ADGRG7: variants seen among roughly 807,000 people sequenced by gnomAD.
ADGRG7 encodes adhesion G protein-coupled receptor G7.
In ADGRG7, 82 loss-of-function variants were observed where a neutral mutation model predicts 88.6. That is an observed-to-expected ratio of 0.93 (90% CI 0.77 to 1.11). The LOEUF (loss-of-function observed/expected upper bound fraction) is 1.11. Among genes scored for constraint, ADGRG7 ranks in the 50% most tolerant of loss-of-function variants. The probability of loss-of-function intolerance (pLI) is 0.00; values close to 1 mark genes in which losing one functional copy is unlikely to be tolerated. For missense variants in ADGRG7, 945 were observed against 953.4 expected, an observed-to-expected ratio of 0.99 and a Z score of 0.12; for synonymous variants, 381 against 345.2, an observed-to-expected ratio of 1.10 and a Z score of -1.15.
intron 1 of ADGRG7, among the ~76,000 whole-genome samples, chr3:100,624,384 GA>G (rs1464172071): frequency 6.6e-6 from 1 of 152,058 alleles, no homozygotes; most frequent in Non-Finnish European, 1.5e-5. Flanking sequence ...TTTTTGATAG[GA>G]TTGTTTGTTT....
intron 4 of ADGRG7, chr3:100,635,457 G>A: frequency 2.0e-6 from 2 of 1,015,544 alleles, no homozygotes; most frequent in Non-Finnish European, 2.6e-6. Flanking sequence ...GCCCCTTATA[G>A]TTAATCAATC....
intron 15 of ADGRG7, among the ~76,000 whole-genome samples, chr3:100,675,812 A>G (rs763420188): frequency 5.3e-5 from 8 of 152,098 alleles, no homozygotes; most frequent in Non-Finnish European, 1.0e-4. Flanking sequence ...CAGGTTTTGT[A>G]TTTCTTCATG....
At position 100,655,886 on chromosome 3, in the gene ADGRG7, C is replaced by G. The variant is rs1293079206; in HGVS notation, c.1727-13C>G. The G allele has an allele frequency of 2.8e-6, 4 of 1,429,398 alleles. No individual in the cohort carries two copies. The Admixed American group carries it at 5.0e-5, about 18-fold the overall frequency. 88.5% of individuals were successfully genotyped at this position (1,429,398 alleles called of 1,614,324 possible). A position where few individuals can be genotyped will look rare whatever the true frequency, so the allele number is the denominator to read the frequency against. Reference sequence around the variant, plus strand: ...GATAAATCATTAATTATGTGCCTCTCTTTATCACATAGGAGTCCCAGCTAT... The same window carrying G: ...GATAAATCATTAATTATGTGCCTCTGTTTATCACATAGGAGTCCCAGCTAT... On this transcript the variant is annotated splice_polypyrimidine_tract_variant and intron_variant, in intron 12 of 15. Transcript: ENST00000273352.
At chr3:100,694,189 T>G (rs777701044) in intron 15 of ADGRG7, among the ~76,000 whole-genome samples, 1 of 152,210 alleles carries the variant, frequency 6.6e-6, no homozygotes, top group Non-Finnish European at 1.5e-5. Flanking sequence ...CTGATATGAC[T>G]TCTATAAATG....
intron 10 of ADGRG7, among the ~76,000 whole-genome samples, chr3:100,647,245 A>G (rs1707769632): frequency 6.6e-6 from 1 of 152,194 alleles, no homozygotes; most frequent in Admixed American, 6.5e-5. Context: ...TAGGATAGAG[A>G]GGTCAGAACT....
intron 9 of ADGRG7, 75 bp from the exon 10 acceptor site, chr3:100,646,494 C>T: frequency 5.1e-6 from 6 of 1,180,984 alleles, no homozygotes; most frequent in Middle Eastern, 3.9e-4. Context: ...AGATGACTGT[C>T]TTATACTACT....
rs1193362675 is a variant in ADGRG7 at position 100,659,773 on chromosome 3, A to G, written c.1909A>G (p.Ile637Val). ...CATCGTACCTGTAACCATTATCCTC[A>G]TCAGCAATGTTGTTATGTTTATTAC... is the stretch of plus-strand genomic sequence containing the variant. ...SFIVPVTIIL[I>V]SNVVMFITIS... The change falls in exon 14 of 16, where the codon ATC (isoleucine) becomes GTC (valine). Residue 637 changes from isoleucine to valine, a missense_variant. Transcript: ENST00000273352. 7.4e-6 allele frequency: 12 copies of G among 1,613,750 alleles called. No individual in the cohort carries two copies. The highest frequency in any genetic ancestry group is 8.5e-6 in the Non-Finnish European group (10 of 1,179,708).
At chr3:100,645,830 T>C (rs533976176) in intron 8 of ADGRG7, 115 bp from the exon 9 acceptor site, 34 of 900,966 alleles carry the variant, frequency 3.8e-5, no homozygotes, top group Middle Eastern at 7.2e-4. Context: ...AAACCATTTT[T>C]ACTGTACTTT....
In ADGRG7 at chr3:100,694,995, C is replaced by T. The variant is rs757360016; in HGVS notation, c.2388C>T (p.Ser796=). The part of the protein sequence containing the change: ...TLSESDNAKE[S]I ...CTGAAAGTGACAATGCAAAGGAAAG[C>T]ATCTAGACAGTAAAACTTACCTGTT... The change falls in exon 16 of 16, where the codon AGC becomes AGT. Residue 796 remains serine, a synonymous_variant. Coordinates refer to ENST00000273352, the MANE Select transcript of ADGRG7 (RefSeq NM_032787.3). The T allele has an allele frequency of 6.2e-7, 1 of 1,613,320 alleles. No homozygotes were observed. The highest frequency in any genetic ancestry group is 2.2e-5 in the East Asian group (1 of 44,864).
intron 1 of ADGRG7, among the ~76,000 whole-genome samples, chr3:100,626,287 T>G (rs910956656): frequency 1.3e-5 from 2 of 152,254 alleles, no homozygotes; most frequent in African/African-American, 4.8e-5. Flanking sequence ...TTTTCTAGTT[T>G]ATTTGCATAG....
intron 15 of ADGRG7, among the ~76,000 whole-genome samples, chr3:100,674,579 CTTT>C (rs34582443): frequency 1.4e-4 from 18 of 128,776 alleles, no homozygotes; most frequent in East Asian, 4.5e-4. Context: ...TTCTTAATTC[CTTT>C]TTTTTTTTTT....
At chr3:100,613,513 T>G (rs1388781373) in intron 1 of ADGRG7, among the ~76,000 whole-genome samples, 1 of 150,528 alleles carries the variant, frequency 6.6e-6, no homozygotes, top group Non-Finnish European at 1.5e-5. Context: ...TCCTTCTTGC[T>G]TCCTCACATA....
chr3:100,662,205 A>C (rs1294989972), intron 14 of ADGRG7, among the ~76,000 whole-genome samples: 1 of 152,164 alleles, frequency 6.6e-6, no homozygotes, highest in African/African-American at 2.4e-5. Flanking sequence ...AAACTCCCCT[A>C]ACTGGAAATT....
chr3:100,631,950 A>G (rs1328241722), intron 3 of ADGRG7, among the ~76,000 whole-genome samples: 1 of 152,124 alleles, frequency 6.6e-6, no homozygotes, highest in African/African-American at 2.4e-5. Context: ...TCTATCTATA[A>G]GTCCTCCTGA....
chr3:100,658,682 C>T (rs1050421642), intron 13 of ADGRG7, among the ~76,000 whole-genome samples: 16 of 152,060 alleles, frequency 1.1e-4, no homozygotes, highest in Admixed American at 9.8e-4. Context: ...TTTCCCTGAC[C>T]ACTCTATTTA....
At chr3:100,680,621 C>T (rs746205476) in intron 15 of ADGRG7, among the ~76,000 whole-genome samples, 4 of 151,922 alleles carry the variant, frequency 2.6e-5, no homozygotes, top group African/African-American at 4.8e-5. Flanking sequence ...TACTTCTTTG[C>T]GTTTTGGGGG....
chr3:100,654,157 C>G (rs1346679058), intron 11 of ADGRG7: 1 of 152,168 alleles, frequency 6.6e-6, no homozygotes, highest in Non-Finnish European at 1.5e-5. Context: ...TCTCCCAGTG[C>G]GCGGGTCAGT....
intron 14 of ADGRG7, among the ~76,000 whole-genome samples, chr3:100,668,550 A>G (rs769686995): frequency 6.6e-6 from 1 of 152,236 alleles, no homozygotes; most frequent in Non-Finnish European, 1.5e-5. Flanking sequence ...TCTGCATCTA[A>G]CTAACCTTTC....
chr3:100,654,648 T>C (rs1053396392), intron 11 of ADGRG7, 187 bp from the exon 12 acceptor site: 3 of 509,274 alleles, frequency 5.9e-6, no homozygotes, highest in Non-Finnish European at 1.0e-5. Flanking sequence ...TTTGTGGAAA[T>C]GATAAGAGGA....
Sources: gnomAD v4.1 joint callset for allele counts (sites outside exome capture counted in the v4.1 genomes callset) on GRCh38, gnomAD v4.1.1 for gene constraint, MANE v1.5 for transcripts, NCBI Gene and HGNC (gene_info 2026-07-23, HGNC 2026-07-21) for gene names.